KLB: variants seen among roughly 807,000 people sequenced by gnomAD.
The protein encoded by KLB is klotho beta.
In KLB, 44 loss-of-function variants were observed where a neutral mutation model predicts 88.4. That is an observed-to-expected ratio of 0.50 (90% confidence interval 0.39 to 0.64). KLB has a LOEUF of 0.64. Ranked by LOEUF, KLB falls within the 30% of genes least tolerant of loss-of-function variation. The pLI, the probability that KLB is intolerant of heterozygous loss-of-function variation, is 0.00. For synonymous variants in KLB, 548 were observed against 513.4 expected, an observed-to-expected ratio of 1.07 and a Z score of -0.91; for missense variants, 1,137 against 1,304.8, an observed-to-expected ratio of 0.87 and a Z score of 1.98.
intron 1 of KLB, among the ~76,000 whole-genome samples, chr4:39,418,944 T>TAAAAAAA (rs35661811): frequency 2.6e-5 from 3 of 116,878 alleles, no homozygotes; most frequent in African/African-American, 3.5e-5. Flanking sequence ...ATGCCATCTC[T>TAAAAAAA]AAAAAAAAAA....
In KLB at chr4:39,446,222, C is replaced by A; in HGVS notation, c.1606-110C>A. 1 of 924,722 alleles carries A rather than the reference C, an allele frequency of 1.1e-6. No individual in the cohort carries two copies. The highest frequency in any genetic ancestry group is 1.6e-6 in the Non-Finnish European group (1 of 619,972). The allele number at this position is 924,722 out of a possible 1,614,324, so 57.3% of individuals were successfully genotyped here. On this transcript the variant is annotated intron_variant, in intron 3 of 4. Transcript: ENST00000257408. The surrounding 1 kb of genome is among the most constrained non-coding windows in gnomAD (Gnocchi z 6.4). The stretch of plus-strand genomic sequence containing the variant: ...GGGAGATTTCAAGGGCTGGAATAGG[C>A]CTGGCGTGGTGGCCTGTAATCCCAG...
intron 1 of KLB, 71 bp downstream of exon 1, chr4:39,407,845 A>C (rs991931625): frequency 2.2e-6 from 2 of 896,672 alleles, no homozygotes; most frequent in African/African-American, 3.3e-5. Context: ...CTTCTGCCTC[A>C]GTAATTCTCT....
chr4:39,448,287 C>A lies in KLB; in HGVS notation c.2750-14C>A. ...GTCCATTTGTGATTAATGTTAATTT[C>A]TTATCTTTTTCAGCATACCTGATTG... On this transcript the variant is annotated splice_polypyrimidine_tract_variant and intron_variant, in intron 4 of 4. Coordinates refer to ENST00000257408, the MANE Select transcript of KLB (RefSeq NM_175737.4). The A allele has an allele frequency of 6.5e-7, 1 of 1,535,072 alleles. No individual in the cohort carries two copies.
intron 1 of KLB, among the ~76,000 whole-genome samples, chr4:39,411,118 A>G (rs1262812561): frequency 2.0e-5 from 3 of 152,102 alleles, no homozygotes; most frequent in Non-Finnish European, 4.4e-5. Flanking sequence ...CAGTGGCACA[A>G]TCTTGGCTCA....
Position 39,446,766 on chromosome 4 carries a change from G to A in KLB, c.2040G>A (p.Glu680=), listed in dbSNP as rs1560654198. ...CCTACGCTGGGCTGTGCTTCCAGGA[G>A]CTGGGGGACCTGGTGAAGCTCTGGA... is the stretch of plus-strand genomic sequence containing the variant. ...FQAYAGLCFQ[E]LGDLVKLWIT... The change falls in exon 4 of 5, where the codon GAG becomes GAA. Residue 680 remains glutamate, a synonymous_variant. Coordinates refer to ENST00000257408, the MANE Select transcript of KLB (RefSeq NM_175737.4). This position sits in a 1 kb window ranked among gnomAD's most constrained non-coding sequence, Gnocchi z 6.4. The A allele has an allele frequency of 1.9e-6, 3 of 1,608,092 alleles. No individual in the cohort carries two copies. Among genetic ancestry groups the A allele is most frequent in the East Asian group, 4.5e-5 (2 of 44,848 alleles).
chr4:39,422,247 A>G (rs1305721196), intron 1 of KLB, among the ~76,000 whole-genome samples: 1 of 152,128 alleles, frequency 6.6e-6, no homozygotes, highest in African/African-American at 2.4e-5. Flanking sequence ...ACTTAGTTCT[A>G]TTTCTAGCTT....
intron 1 of KLB, among the ~76,000 whole-genome samples, chr4:39,423,496 A>C (rs1743133150): frequency 6.6e-6 from 1 of 151,914 alleles, no homozygotes; most frequent in African/African-American, 2.4e-5. Flanking sequence ...AATAGCTTCA[A>C]AATTTAGAAC....
rs775987503 is a variant in KLB, at chr4:39,434,470, G to C, written c.1086G>C (p.Glu362Asp). The change falls in exon 2 of 5, where the codon GAG becomes GAC. Residue 362 changes from glutamate to aspartate, a missense_variant. Physicochemically the swap from Glu to Asp is conservative, Grantham distance 45. Transcript: ENST00000257408. Reference protein sequence around the residue: ...LPIFSEAEKHEMRGTADFFAF... With the variant: ...LPIFSEAEKHDMRGTADFFAF... The stretch of plus-strand genomic sequence containing the variant: ...TTTTCTCTGAAGCAGAGAAGCATGA[G>C]ATGAGAGGCACAGCTGATTTCTTTG... 6.2e-7 allele frequency: 1 copy of C among 1,614,226 alleles called. No individual in the cohort carries two copies. The highest frequency in any genetic ancestry group is 1.1e-5 in the South Asian group (1 of 91,086).
At chr4:39,444,028 G>A (rs1316598140) in intron 3 of KLB, among the ~76,000 whole-genome samples, 2 of 151,906 alleles carry the variant, frequency 1.3e-5, no homozygotes, top group Non-Finnish European at 2.9e-5. Context: ...ATGGTGGCTG[G>A]CATCTGTAAT....
Position 39,448,510 on chromosome 4 carries a change from G to C in KLB, c.2959G>C (p.Val987Leu). The change falls in exon 5 of 5, where the codon GTC (valine) becomes CTC (leucine). Residue 987 changes from valine to leucine, a missense_variant. Val to Leu is a conservative substitution (Grantham distance 32). This residue lies in a region of KLB where 426 missense variants were observed against 404.6 expected (regional missense o/e 1.05). Transcript: ENST00000257408. ...GACCCAAGAAAATACAGAGTGCACT[G>C]TCTGCTTATTCCTTGTGCAGAAGAA... The part of the protein sequence containing the change: ...SQTQENTECT[V>L]CLFLVQKKPL... The C allele has an allele frequency of 6.2e-7, 1 of 1,614,150 alleles. No individual in the cohort carries two copies. Among genetic ancestry groups the C allele is most frequent in the Non-Finnish European group, 8.5e-7 (1 of 1,179,986 alleles).
chr4:39,425,861 T>C (rs1430350512), intron 1 of KLB, among the ~76,000 whole-genome samples: 1 of 152,136 alleles, frequency 6.6e-6, no homozygotes, highest in Non-Finnish European at 1.5e-5. Context: ...CTCATGCCTG[T>C]AATGTCAGCA....
At position 39,449,962 on chromosome 4, in the gene KLB, A is replaced by G. The variant is rs1743855725; in HGVS notation, c.*1276A>G. On this transcript the variant is annotated 3_prime_UTR_variant, in exon 5 of 5. Transcript: ENST00000257408. ...AATAATAAAAATAAAAATAAAAGTA[A>G]TTTCCAAAACCTCATCTCATGGAAA... 1 of 151,884 alleles carries G rather than the reference A, an allele frequency of 6.6e-6. No individual in the cohort carries two copies. Among genetic ancestry groups the G allele is most frequent in the African/African-American group, 2.4e-5 (1 of 41,176 alleles). 9.4% of individuals were successfully genotyped at this position (151,884 alleles called of 1,614,324 possible). A position where few individuals can be genotyped will look rare whatever the true frequency, so the allele number is the denominator to read the frequency against.
chr4:39,441,564 A>G (rs1371080845), intron 3 of KLB: 3 of 152,066 alleles, frequency 2.0e-5, no homozygotes, highest in Non-Finnish European at 4.4e-5. Flanking sequence ...AGGTCAGGAA[A>G]AGCAGTTCTG....
chr4:39,426,698 T>G (rs1034580051), intron 1 of KLB, among the ~76,000 whole-genome samples: 5 of 152,126 alleles, frequency 3.3e-5, no homozygotes, highest in Non-Finnish European at 7.4e-5. Flanking sequence ...TAATTTTTTT[T>G]TTTTTAAGAG....
rs1743782409 is a variant in KLB at position 39,447,464 on chromosome 4, A to G, written c.2738A>G (p.Glu913Gly). 6.4e-7 allele frequency: 1 copy of G among 1,574,190 alleles called. No homozygotes were observed. Among genetic ancestry groups the G allele is most frequent in the Non-Finnish European group, 8.6e-7 (1 of 1,158,786 alleles). Residue 913 changes from glutamate (E) to glycine (G), a missense_variant, in exon 4 of 5, where the codon GAG (glutamate) becomes GGG (glycine). By Grantham distance (98) the Glu-to-Gly change is moderately conservative (BLOSUM62 -2). Transcript: ENST00000257408. ...RKYYLGKYLQEVLKAYLIDKV... is the reference protein window; with the variant it reads ...RKYYLGKYLQGVLKAYLIDKV... ...TACTACCTAGGGAAGTACCTTCAGG[A>G]GGTGCTGAAAGGTAAGGGCGGGGCC... is the stretch of plus-strand genomic sequence containing the variant.
chr4:39,436,377 C>A (rs1050102633), intron 2 of KLB, among the ~76,000 whole-genome samples: 1 of 152,176 alleles, frequency 6.6e-6, no homozygotes, highest in East Asian at 1.9e-4. Flanking sequence ...GGGGCCAAGG[C>A]TGAGGGTTCT....
chr4:39,437,283 A>G (rs1340921381), intron 2 of KLB, among the ~76,000 whole-genome samples: 2 of 152,098 alleles, frequency 1.3e-5, no homozygotes, highest in Non-Finnish European at 2.9e-5. Context: ...GTTAATTCTA[A>G]AAGCAGCTTT....
At position 39,448,755 on chromosome 4, in the gene KLB, G is replaced by A; in HGVS notation, c.*69G>A. On this transcript the variant is annotated 3_prime_UTR_variant, in exon 5 of 5. Transcript: ENST00000257408. ...TTCCATATGCTGGTAACTTACAGGA[G>A]ATATACCTGTATTATAGAAAGACAA... The A allele has an allele frequency of 1.5e-6, 2 of 1,356,624 alleles. No individual in the cohort carries two copies. Among genetic ancestry groups the A allele is most frequent in the Non-Finnish European group, 2.0e-6 (2 of 990,434 alleles). 84.0% of individuals were successfully genotyped at this position (1,356,624 alleles called of 1,614,324 possible).
intron 3 of KLB, among the ~76,000 whole-genome samples, chr4:39,445,692 T>G (rs573872829): frequency 2.1e-3 from 316 of 148,738 alleles, no homozygotes; most frequent in Admixed American, 3.5e-3. Flanking sequence ...TTGTTTTTTT[T>G]TTTTTTTTTA....
Sources: allele counts gnomAD v4.1 joint callset (sites outside exome capture counted in the v4.1 genomes callset), GRCh38; gene constraint gnomAD v4.1.1; regional missense constraint gnomAD v4.1.1; non-coding constraint Gnocchi (gnomAD v3.1); transcripts MANE v1.5; gene names NCBI Gene and HGNC (gene_info 2026-07-23, HGNC 2026-07-21).